ERICH6: variants seen among roughly 807,000 people sequenced by gnomAD.
The protein encoded by ERICH6 is glutamate rich 6.
A neutral mutation model predicts 71.0 loss-of-function variants in ERICH6; 71 were observed. The ratio of observed to expected loss-of-function variants is 1.00; its 90% CI spans 0.83 to 1.22. ERICH6 has a LOEUF of 1.22. Ranked by LOEUF, ERICH6 falls within the 50% of genes most tolerant of loss-of-function variation. ERICH6 has a pLI of 0.00. For synonymous variants in ERICH6, 262 were observed against 278.4 expected, an observed-to-expected ratio of 0.94 and a Z score of 0.59; for missense variants, 808 against 797.2, an observed-to-expected ratio of 1.01 and a Z score of -0.16.
intron 3 of ERICH6, among the ~76,000 whole-genome samples, chr3:150,697,460 C>G (rs1314692389): frequency 6.6e-6 from 1 of 152,046 alleles, no homozygotes; most frequent in Non-Finnish European, 1.5e-5. Context: ...GAGCCCACTC[C>G]AATATGGCTT....
At position 150,694,584 on chromosome 3, in the gene ERICH6, T is replaced by G. The variant is rs538838542; in HGVS notation, c.553+4207A>C. On this transcript the variant is annotated intron_variant, in intron 3 of 13. Transcript: ENST00000295910. Reference sequence around the variant, plus strand: ...CTCCTGCAACACGTGGATTACCACTTCGTTCCTCCTTTCCTTCTGACCTGC... The same window carrying G: ...CTCCTGCAACACGTGGATTACCACTGCGTTCCTCCTTTCCTTCTGACCTGC... Among the ~76,000 whole-genome samples, 133 of 152,350 alleles carry G rather than the reference T, an allele frequency of 8.7e-4. 2 individuals carry two copies. The highest frequency in any genetic ancestry group is 3.5e-3 in the South Asian group (17 of 4,828).
intron 10 of ERICH6, among the ~76,000 whole-genome samples, chr3:150,675,144 G>C (rs924146748): frequency 5.9e-5 from 9 of 151,902 alleles, no homozygotes; most frequent in Non-Finnish European, 1.2e-4. Context: ...AAAAATAAGA[G>C]GTAGGCTAAA....
At chr3:150,698,724 T>C in intron 3 of ERICH6, 67 bp downstream of exon 3, 1 of 1,343,488 alleles carries the variant, frequency 7.4e-7, no homozygotes, top group East Asian at 2.3e-5. Flanking sequence ...ACTGGCCTTC[T>C]ACACCTGTGA....
At chr3:150,673,474 C>A (rs1467106003) in intron 11 of ERICH6, among the ~76,000 whole-genome samples, 13 of 152,152 alleles carry the variant, frequency 8.5e-5, no homozygotes, top group African/African-American at 3.1e-4. Flanking sequence ...TAAGCGTAAG[C>A]CACCACACTA....
chr3:150,673,957 A>G lies in ERICH6; in HGVS notation c.1342T>C (p.Phe448Leu), dbSNP rs761919387. The G allele has an allele frequency of 6.2e-7, 1 of 1,613,374 alleles. No homozygotes were observed. The highest frequency in any genetic ancestry group is 8.5e-7 in the Non-Finnish European group (1 of 1,179,590). Residue 448 changes from phenylalanine (F) to leucine (L), a missense_variant and splice_region_variant, in exon 11 of 14, where the codon TTC becomes CTC. Physicochemically the swap from Phe to Leu is conservative, Grantham distance 22. This residue lies in a region of ERICH6 where 736 missense variants were observed against 712.2 expected (regional missense o/e 1.03). Coordinates refer to ENST00000295910, the MANE Select transcript of ERICH6 (RefSeq NM_152394.5). ...TSFPDGTTQI[F>L]YPSGNLAIIR... ...AAATAACTTGTTGAAAGAGGATACA[A>G]TATTTGTGTTGTCCCATCTGGAAAT...
At position 150,683,698 on chromosome 3, in the gene ERICH6, G is replaced by C. The variant is rs189233340; in HGVS notation, c.784-1382C>G. ...GAACCCGGGAGGCAGAGGTTGCAGTGAGCTAAGATCATGCCACTGCACTCC... is the reference window on the plus strand; with the variant it reads ...GAACCCGGGAGGCAGAGGTTGCAGTCAGCTAAGATCATGCCACTGCACTCC... On this transcript the variant is annotated intron_variant, in intron 6 of 13. Coordinates refer to ENST00000295910, the MANE Select transcript of ERICH6 (RefSeq NM_152394.5). Among the ~76,000 whole-genome samples, 214 of 152,260 alleles carry C rather than the reference G, an allele frequency of 1.4e-3. 2 individuals carry two copies. Among genetic ancestry groups the C allele is most frequent in the African/African-American group, 5.0e-3 (208 of 41,538 alleles).
chr3:150,677,110 C>T (rs560496077), intron 10 of ERICH6, among the ~76,000 whole-genome samples: 1 of 152,214 alleles, frequency 6.6e-6, no homozygotes, highest in East Asian at 1.9e-4. Context: ...ACACACCCAG[C>T]CAAAAACATT....
chr3:150,694,035 G>A (rs912094584), intron 3 of ERICH6, among the ~76,000 whole-genome samples: 2 of 152,140 alleles, frequency 1.3e-5, no homozygotes, highest in Non-Finnish European at 2.9e-5. Flanking sequence ...GCCTAGTGAT[G>A]TATGGACTTC....
At chr3:150,677,174 C>T (rs1411870463) in intron 10 of ERICH6, among the ~76,000 whole-genome samples, 2 of 151,988 alleles carry the variant, frequency 1.3e-5, no homozygotes, top group African/African-American at 2.4e-5. Context: ...AACTCCTGGC[C>T]TCAAATGATC....
chr3:150,691,654 CTT>C (rs1294748241), intron 3 of ERICH6, among the ~76,000 whole-genome samples: 1 of 151,950 alleles, frequency 6.6e-6, no homozygotes, highest in Non-Finnish European at 1.5e-5. Flanking sequence ...TTTAAAAAAA[CTT>C]ATATAATCAA....
At chr3:150,670,183 G>A (rs1002152622) in intron 11 of ERICH6, among the ~76,000 whole-genome samples, 3 of 151,824 alleles carry the variant, frequency 2.0e-5, no homozygotes, top group Non-Finnish European at 4.4e-5. Context: ...ATTCAACATC[G>A]CACTATTAAT....
intron 1 of ERICH6, 32 bp downstream of exon 1, chr3:150,703,464 C>T: frequency 6.5e-7 from 1 of 1,532,688 alleles, no homozygotes; most frequent in South Asian, 1.2e-5. Flanking sequence ...AGACGAGAAA[C>T]CCTCGAGGAA....
chr3:150,683,599 C>A (rs1025796259), intron 6 of ERICH6, among the ~76,000 whole-genome samples: 2 of 152,050 alleles, frequency 1.3e-5, no homozygotes, highest in Non-Finnish European at 2.9e-5. Flanking sequence ...GCTAAAAATT[C>A]AAAAATTAGC....
intron 10 of ERICH6, among the ~76,000 whole-genome samples, chr3:150,675,012 A>T (rs957508725): frequency 1.3e-5 from 2 of 152,144 alleles, no homozygotes; most frequent in African/African-American, 4.8e-5. Flanking sequence ...ACACGCCTGT[A>T]ATCCCAGATA....
chr3:150,671,975 C>T (rs1711504822), intron 11 of ERICH6, among the ~76,000 whole-genome samples: 1 of 151,976 alleles, frequency 6.6e-6, no homozygotes, highest in Admixed American at 6.6e-5. Flanking sequence ...GTAACTATGC[C>T]ACAAAGTATG....
At chr3:150,676,797 C>A (rs942479067) in intron 10 of ERICH6, among the ~76,000 whole-genome samples, 5 of 151,010 alleles carry the variant, frequency 3.3e-5, no homozygotes, top group Non-Finnish European at 7.4e-5. Flanking sequence ...CTGCCATGCC[C>A]AGCTAATTAA....
At position 150,671,104 on chromosome 3, in the gene ERICH6, A is replaced by T. The variant is rs570902367; in HGVS notation, c.1344-1653T>A. Among the ~76,000 whole-genome samples, 49 of 152,216 alleles carry T rather than the reference A, an allele frequency of 3.2e-4. 1 individual carries two copies. In the East Asian group the frequency reaches 7.7e-3, roughly 24 times the overall value. ...ATAGGATTCTGTCTCTAAAAACTTT[A>T]AAAAAATTTTTAGGTCAGGTAAATT... On this transcript the variant is annotated intron_variant, in intron 11 of 13. Coordinates refer to ENST00000295910, the MANE Select transcript of ERICH6 (RefSeq NM_152394.5).
At chr3:150,676,733 C>A (rs1272251602) in intron 10 of ERICH6, among the ~76,000 whole-genome samples, 2 of 152,080 alleles carry the variant, frequency 1.3e-5, no homozygotes, top group Non-Finnish European at 2.9e-5. Context: ...AACCCCTCAG[C>A]TCAGGTGATT....
intron 6 of ERICH6, 32 bp from the exon 7 acceptor site, chr3:150,682,348 T>TCCCTACA: frequency 6.4e-7 from 1 of 1,565,924 alleles, no homozygotes; most frequent in Admixed American, 1.7e-5. Context: ...ATTAAAGAAG[T>TCCCTACA]CCCCACAAAG....
Sources: gnomAD v4.1 joint callset for allele counts (sites outside exome capture counted in the v4.1 genomes callset) on GRCh38, gnomAD v4.1.1 for gene constraint, gnomAD v4.1.1 regional missense constraint, MANE v1.5 for transcripts, NCBI Gene and HGNC (gene_info 2026-07-23, HGNC 2026-07-21) for gene names.